TAFA1: variants seen among roughly 807,000 people sequenced by gnomAD.
The protein encoded by TAFA1 is TAFA chemokine like family member 1, also known as chemokine-like protein TAFA-1.
Under a neutral mutation model 18.5 loss-of-function variants are expected in TAFA1, and 4 were observed. The observed-to-expected ratio is 0.22, with a 90% CI of 0.11 to 0.49. The LOEUF (loss-of-function observed/expected upper bound fraction) is 0.49. TAFA1 is among the 20% of genes least tolerant of loss of function. The pLI is 0.98. For missense variants in TAFA1, 147 were observed against 169.0 expected, an observed-to-expected ratio of 0.87 and a Z score of 0.72; for synonymous variants, 56 against 55.2, an observed-to-expected ratio of 1.01 and a Z score of -0.06.
At chr3:68,329,089 GTTT>G (rs774883725) in intron 2 of TAFA1, among the ~76,000 whole-genome samples, 1 of 120,540 alleles carries the variant, frequency 8.3e-6, no homozygotes, top group Non-Finnish European at 1.8e-5. Context: ...CCACTTTTTT[GTTT>G]TTTTTTTTTT....
intron 2 of TAFA1, among the ~76,000 whole-genome samples, chr3:68,034,121 T>C (rs952000045): frequency 3.3e-5 from 5 of 152,180 alleles, no homozygotes; most frequent in Admixed American, 2.6e-4. Context: ...CCACCTCCAG[T>C]GTCCATGACC....
intron 2 of TAFA1, among the ~76,000 whole-genome samples, chr3:68,220,796 G>T (rs915134692): frequency 1.3e-5 from 2 of 152,010 alleles, no homozygotes; most frequent in Admixed American, 1.3e-4. Flanking sequence ...TTTTCTTGCT[G>T]CACTGCTGTC....
intron 2 of TAFA1, among the ~76,000 whole-genome samples, chr3:68,026,302 T>G (rs907492639): frequency 1.3e-5 from 2 of 151,856 alleles, no homozygotes; most frequent in African/African-American, 4.8e-5. Flanking sequence ...TGAGAGATCT[T>G]TTGCTGCTAA....
At chr3:68,353,761 C>T (rs557263645) in intron 2 of TAFA1, among the ~76,000 whole-genome samples, 22 of 152,090 alleles carry the variant, frequency 1.4e-4, no homozygotes, top group African/African-American at 4.3e-4. Flanking sequence ...AGTCTCCTAA[C>T]GTTTTAACAT....
chr3:68,408,861 G>T (rs2070660657), intron 2 of TAFA1, among the ~76,000 whole-genome samples: 1 of 152,158 alleles, frequency 6.6e-6, no homozygotes, highest in South Asian at 2.1e-4. Context: ...TCAAAAGTGA[G>T]TCTTTGAGGA....
chr3:68,150,686 C>A (rs572374153), intron 2 of TAFA1, among the ~76,000 whole-genome samples: 1 of 152,164 alleles, frequency 6.6e-6, no homozygotes. Flanking sequence ...TTACTTCTTT[C>A]TTTCTTTCCC....
intron 3 of TAFA1, among the ~76,000 whole-genome samples, chr3:68,481,716 C>T (rs1383561857): frequency 1.3e-5 from 2 of 152,246 alleles, no homozygotes; most frequent in East Asian, 3.9e-4. Context: ...AGGCATATAT[C>T]AATATGTCGT....
chr3:68,497,389 AG>A (rs2072566791), intron 3 of TAFA1, among the ~76,000 whole-genome samples: 1 of 152,200 alleles, frequency 6.6e-6, no homozygotes, highest in Non-Finnish European at 1.5e-5. Flanking sequence ...TTGTTAGAAG[AG>A]CAAGACACAC....
At chr3:68,462,999 CTT>C (rs1319307560) in intron 3 of TAFA1, among the ~76,000 whole-genome samples, 2 of 152,148 alleles carry the variant, frequency 1.3e-5, no homozygotes, top group Non-Finnish European at 2.9e-5. Context: ...TAAGTGGCCT[CTT>C]TAAAAATGTA....
chr3:68,367,861 A>C (rs2106807926), intron 2 of TAFA1, among the ~76,000 whole-genome samples: 1 of 152,306 alleles, frequency 6.6e-6, no homozygotes, highest in Middle Eastern at 3.4e-3. Context: ...GAGACAAAAA[A>C]ATAAAGGACA....
At chr3:68,486,112 A>G (rs55848785) in intron 3 of TAFA1, among the ~76,000 whole-genome samples, 54,257 of 115,856 alleles carry the variant, frequency 0.47, 12,965 homozygotes, top group East Asian at 0.68. Context: ...GTTTTATTTT[A>G]TTTTATTTTA....
At chr3:68,234,550 A>G (rs903853291) in intron 2 of TAFA1, among the ~76,000 whole-genome samples, 1 of 152,162 alleles carries the variant, frequency 6.6e-6, no homozygotes, top group African/African-American at 2.4e-5. Flanking sequence ...CATGCTGTGC[A>G]CCCACAGTTC....
intron 2 of TAFA1, among the ~76,000 whole-genome samples, chr3:68,121,935 T>C (rs1356616360): frequency 6.6e-6 from 1 of 152,160 alleles, no homozygotes; most frequent in African/African-American, 2.4e-5. Flanking sequence ...TTGAGGTATT[T>C]TGCATTCATT....
chr3:68,413,226 T>C (rs893026663), intron 2 of TAFA1, among the ~76,000 whole-genome samples: 5 of 152,182 alleles, frequency 3.3e-5, no homozygotes, highest in South Asian at 4.1e-4. Context: ...ATGGGGTTGT[T>C]TGATTTTTTT....
the TAFA1 span, among the ~76,000 whole-genome samples, chr3:67,997,925 G>T: frequency 6.6e-6 from 1 of 151,938 alleles, no homozygotes; most frequent in African/African-American, 2.4e-5. Flanking sequence ...CTTTAGATTG[G>T]TTAAGTGGAT....
intron 1 of TAFA1, chr3:68,006,340 T>C (rs1231038546): frequency 5.9e-6 from 2 of 339,826 alleles, no homozygotes; most frequent in African/African-American, 2.0e-5. Flanking sequence ...TCAGCATGCA[T>C]TGTTTTAAAC....
chr3:68,237,950 T>A (rs1281083008), intron 2 of TAFA1, among the ~76,000 whole-genome samples: 4 of 152,100 alleles, frequency 2.6e-5, no homozygotes, highest in Non-Finnish European at 5.9e-5. Flanking sequence ...TGATCAGATG[T>A]GTCTGCCCTC....
chr3:68,163,840 C>T (rs549606723), intron 2 of TAFA1, among the ~76,000 whole-genome samples: 1 of 152,290 alleles, frequency 6.6e-6, no homozygotes, highest in East Asian at 1.9e-4. Flanking sequence ...TGTAAGTAGA[C>T]CGTGTAACCA....
intron 2 of TAFA1, among the ~76,000 whole-genome samples, chr3:68,409,069 A>G (rs2070664369): frequency 6.6e-6 from 1 of 152,202 alleles, no homozygotes. Flanking sequence ...AGGCTCATAC[A>G]CAGTAGAATA....
Sources: allele counts gnomAD v4.1 joint callset (sites outside exome capture counted in the v4.1 genomes callset), GRCh38; gene constraint gnomAD v4.1.1; transcripts MANE v1.5; gene names NCBI Gene and HGNC (gene_info 2026-07-23, HGNC 2026-07-21).